METTL25: variants seen among roughly 807,000 people sequenced by gnomAD.
METTL25 encodes the protein probable methyltransferase-like protein 25.
Under a neutral mutation model 71.6 loss-of-function variants are expected in METTL25, and 64 were observed. The observed-to-expected ratio is 0.89, with a 90% CI of 0.73 to 1.10. METTL25 has a LOEUF of 1.10. METTL25 is among the 50% of genes least tolerant of loss of function. The probability of loss-of-function intolerance (pLI) is 0.00; values close to 1 mark genes in which losing one functional copy is unlikely to be tolerated. For synonymous variants in METTL25, 287 were observed against 250.3 expected, an observed-to-expected ratio of 1.15 and a Z score of -1.38; for missense variants, 807 against 707.0, an observed-to-expected ratio of 1.14 and a Z score of -1.60.
intron 5 of METTL25, among the ~76,000 whole-genome samples, chr12:82,420,799 T>C (rs1356941361): frequency 6.6e-6 from 1 of 151,966 alleles, no homozygotes; most frequent in Non-Finnish European, 1.5e-5. Flanking sequence ...AGAAAAGGGA[T>C]TTGTTAAGGA....
rs900235305 is a variant in METTL25 at position 82,401,959 on chromosome 12, A to T, written c.1132-1024A>T. On this transcript the variant is annotated intron_variant, in intron 4 of 11. Coordinates refer to ENST00000248306, the MANE Select transcript of METTL25 (RefSeq NM_032230.3). The stretch of plus-strand genomic sequence containing the variant: ...TTCTGTATAAATTTTTTTTCTTACA[A>T]GTTTCTTTTTACTCCTACTTTAACT... Among the ~76,000 whole-genome samples, 29 of 152,044 alleles carry T rather than the reference A, an allele frequency of 1.9e-4. 1 individual carries two copies. Among genetic ancestry groups the T allele is most frequent in the Non-Finnish European group, 3.5e-4 (24 of 67,920 alleles).
intron 7 of METTL25, among the ~76,000 whole-genome samples, chr12:82,437,417 T>C (rs1035202227): frequency 6.6e-6 from 1 of 151,570 alleles, no homozygotes; most frequent in Non-Finnish European, 1.5e-5. Context: ...AGTCTACAAG[T>C]CTGTGTTCAC....
Position 82,416,551 on chromosome 12 carries a change from C to A in METTL25, c.1279+13421C>A, listed in dbSNP as rs138373910. Among the ~76,000 whole-genome samples, 387 of 151,708 alleles carry A rather than the reference C, an allele frequency of 2.6e-3. 2 individuals are homozygous for A. The highest frequency in any genetic ancestry group is 8.8e-3 in the African/African-American group (365 of 41,376). ...CTCGACCTGGGTTCAGGCAGTCCTC[C>A]CTCCCAAGCTTCCCAAGTAGCTGGG... On this transcript the variant is annotated intron_variant, in intron 5 of 11. Coordinates refer to ENST00000248306, the MANE Select transcript of METTL25 (RefSeq NM_032230.3).
chr12:82,427,201 C>T (rs1214906773), intron 5 of METTL25, among the ~76,000 whole-genome samples: 1 of 151,934 alleles, frequency 6.6e-6, no homozygotes, highest in Non-Finnish European at 1.5e-5. Flanking sequence ...ACTCCTCAAG[C>T]AGTGGATTTC....
At chr12:82,478,474 A>T (rs1417615348) in intron 11 of METTL25, among the ~76,000 whole-genome samples, 1 of 151,738 alleles carries the variant, frequency 6.6e-6, no homozygotes, top group Non-Finnish European at 1.5e-5. Flanking sequence ...AGTATATTTA[A>T]GGAATCTCTC....
intron 5 of METTL25, among the ~76,000 whole-genome samples, chr12:82,415,478 C>T (rs2895910): frequency 0.92 from 140,532 of 152,138 alleles, 65,234 homozygotes; most frequent in East Asian, 1. Context: ...ATTAGATTTA[C>T]TAAGAATGGG....
intron 3 of METTL25, 70 bp from the exon 4 acceptor site, chr12:82,398,725 A>G (rs1886303962): frequency 2.7e-6 from 3 of 1,114,270 alleles, no homozygotes; most frequent in Non-Finnish European, 3.6e-6. Context: ...GTTTACTTCA[A>G]AAAATCTAGA....
rs139979835 is a variant in METTL25, at chr12:82,412,371, A to G, written c.1279+9241A>G. ...TTTTGACTAAGCAGTGTGATGGTAA[A>G]TGTTTAATGGTTGGCTCTGCCTCTG... On this transcript the variant is annotated intron_variant, in intron 5 of 11. Transcript: ENST00000248306. Among the ~76,000 whole-genome samples, 387 of 152,190 alleles carry G rather than the reference A, an allele frequency of 2.5e-3. 2 individuals are homozygous for G. The highest frequency in any genetic ancestry group is 8.8e-3 in the African/African-American group (365 of 41,544).
intron 9 of METTL25, among the ~76,000 whole-genome samples, chr12:82,458,830 C>T (rs1891667440): frequency 6.6e-6 from 1 of 152,084 alleles, no homozygotes; most frequent in Admixed American, 6.6e-5. Flanking sequence ...CCAAATCTAA[C>T]TTTCCATGGG....
intron 5 of METTL25, among the ~76,000 whole-genome samples, chr12:82,418,651 G>A (rs1006557690): frequency 6.6e-5 from 10 of 152,056 alleles, no homozygotes; most frequent in African/African-American, 1.7e-4. Context: ...AGTGCCACTC[G>A]TGATGCTGTA....
intron 5 of METTL25, among the ~76,000 whole-genome samples, chr12:82,412,042 A>G (rs950458926): frequency 6.6e-5 from 10 of 152,144 alleles, no homozygotes; most frequent in African/African-American, 2.4e-4. Flanking sequence ...ATGTTTATGG[A>G]AGAACATTAT....
intron 9 of METTL25, among the ~76,000 whole-genome samples, chr12:82,465,725 G>A (rs1892187321): frequency 1.3e-5 from 2 of 152,002 alleles, no homozygotes; most frequent in Non-Finnish European, 2.9e-5. Flanking sequence ...TGAAGCCATC[G>A]ATCCTGGAAC....
At chr12:82,374,118 T>C in intron 1 of METTL25, 1 of 163,314 alleles carries the variant, frequency 6.1e-6, no homozygotes, top group Admixed American at 6.5e-5. Flanking sequence ...TGGAGTTTGT[T>C]CCTTCAGATA....
intron 9 of METTL25, 112 bp from the exon 10 acceptor site, chr12:82,476,532 C>A: frequency 2.8e-6 from 2 of 708,796 alleles, no homozygotes; most frequent in East Asian, 2.7e-5. Context: ...GTTCTTCAGA[C>A]ACCTAAGGTT....
intron 1 of METTL25, among the ~76,000 whole-genome samples, chr12:82,362,801 A>G (rs1882100388): frequency 6.6e-6 from 1 of 152,260 alleles, no homozygotes; most frequent in African/African-American, 2.4e-5. Flanking sequence ...TAGTCCAGGG[A>G]CATTTCAAGG....
rs371273827 is a variant in METTL25, at chr12:82,386,821, A to G, written c.278A>G (p.Lys93Arg). The change falls in exon 2 of 12, where the codon AAA becomes AGA. Residue 93 changes from lysine to arginine, a missense_variant. Coordinates refer to ENST00000248306, the MANE Select transcript of METTL25 (RefSeq NM_032230.3). ...TTTTTAGGTATGACTGATTTTCCCA[A>G]AATATTTTGTGAAACTTCTCAGAAG... ...EWEAGMTDFP[K>R]IFCETSQKLV... The G allele has an allele frequency of 6.2e-7, 1 of 1,612,938 alleles. No individual in the cohort carries two copies. Among genetic ancestry groups the G allele is most frequent in the South Asian group, 1.1e-5 (1 of 90,996 alleles).
intron 5 of METTL25, among the ~76,000 whole-genome samples, chr12:82,424,511 T>C (rs1271616984): frequency 6.7e-6 from 1 of 150,028 alleles, no homozygotes; most frequent in Non-Finnish European, 1.5e-5. Context: ...ATTGTGCACA[T>C]GTACCTTAGA....
chr12:82,449,473 G>A (rs1890985728), intron 8 of METTL25, among the ~76,000 whole-genome samples: 1 of 152,030 alleles, frequency 6.6e-6, no homozygotes, highest in Admixed American at 6.6e-5. Flanking sequence ...CACTTTGTGT[G>A]TTTTCTTGGA....
chr12:82,410,290 G>T lies in METTL25; in HGVS notation c.1279+7160G>T, dbSNP rs575911854. Among the ~76,000 whole-genome samples, 50 of 152,198 alleles carry T rather than the reference G, an allele frequency of 3.3e-4. 1 individual carries two copies. In the South Asian group the frequency reaches 9.5e-3, roughly 29 times the overall value. On this transcript the variant is annotated intron_variant, in intron 5 of 11. Coordinates refer to ENST00000248306, the MANE Select transcript of METTL25 (RefSeq NM_032230.3). Reference sequence around the variant, plus strand: ...TATCATAGAGAAATGTATGACTAATGTCTTAGTCCATTAATGGCAATGAAT... The same window carrying T: ...TATCATAGAGAAATGTATGACTAATTTCTTAGTCCATTAATGGCAATGAAT...
Sources: gnomAD v4.1 joint callset for allele counts (sites outside exome capture counted in the v4.1 genomes callset) on GRCh38, gnomAD v4.1.1 for gene constraint, MANE v1.5 for transcripts, NCBI Gene and HGNC (gene_info 2026-07-23, HGNC 2026-07-21) for gene names.